UBE2E2: variants seen among roughly 807,000 people sequenced by gnomAD.
The protein encoded by UBE2E2 is ubiquitin-conjugating enzyme E2 E2.
UBE2E2 carries 6 observed loss-of-function variants against 24.7 expected under a neutral mutation model. The observed-to-expected ratio is 0.24, with a 90% CI of 0.13 to 0.48. UBE2E2 has a LOEUF of 0.48. Ranked by LOEUF, UBE2E2 falls within the 20% of genes least tolerant of loss-of-function variation. UBE2E2 has a pLI of 0.99. For missense variants in UBE2E2, 169 were observed against 245.0 expected (o/e 0.69, Z 2.07); for synonymous variants, 104 against 83.6 (o/e 1.24, Z -1.33).
intron 4 of UBE2E2, among the ~76,000 whole-genome samples, chr3:23,521,848 C>T (rs2125475600): frequency 6.6e-6 from 1 of 152,190 alleles, no homozygotes; most frequent in East Asian, 1.9e-4. Flanking sequence ...AAGATTAAAC[C>T]AAGAAAGCTT....
chr3:23,378,514 A>C (rs948155444), intron 3 of UBE2E2, among the ~76,000 whole-genome samples: 1 of 152,150 alleles, frequency 6.6e-6, no homozygotes, highest in Non-Finnish European at 1.5e-5. Context: ...AGCAAGTCAA[A>C]CCCATGTTTC....
At chr3:23,263,071 A>G (rs1282872584) in intron 3 of UBE2E2, among the ~76,000 whole-genome samples, 1 of 152,148 alleles carries the variant, frequency 6.6e-6, no homozygotes, top group Non-Finnish European at 1.5e-5. Context: ...GAGAGAAGGA[A>G]CTTTTAGGTG....
intron 3 of UBE2E2, among the ~76,000 whole-genome samples, chr3:23,290,129 T>C (rs1173561578): frequency 6.6e-6 from 1 of 152,030 alleles, no homozygotes. Flanking sequence ...TGTATATGTC[T>C]ACACACACAC....
chr3:23,263,852 T>G (rs2125356141), intron 3 of UBE2E2, among the ~76,000 whole-genome samples: 1 of 152,276 alleles, frequency 6.6e-6, no homozygotes, highest in South Asian at 2.1e-4. Context: ...TTTTAAAATT[T>G]TGGCGAAACT....
chr3:23,275,853 G>A (rs975375700), intron 3 of UBE2E2, among the ~76,000 whole-genome samples: 1 of 151,926 alleles, frequency 6.6e-6, no homozygotes, highest in African/African-American at 2.4e-5. Flanking sequence ...ATTTGAAATA[G>A]AATATATGTT....
chr3:23,316,749 C>A (rs185899808), intron 3 of UBE2E2, among the ~76,000 whole-genome samples: 1 of 152,090 alleles, frequency 6.6e-6, no homozygotes, highest in African/African-American at 2.4e-5. Flanking sequence ...CGCTCAAGGC[C>A]CACGGCATGT....
At chr3:23,245,298 A>G (rs1161696232) in intron 3 of UBE2E2, among the ~76,000 whole-genome samples, 1 of 152,162 alleles carries the variant, frequency 6.6e-6, no homozygotes, top group Non-Finnish European at 1.5e-5. Context: ...GAGTTCTCAT[A>G]TGTGGTAAAC....
chr3:23,470,259 G>A (rs546833069), intron 3 of UBE2E2, among the ~76,000 whole-genome samples: 46 of 152,204 alleles, frequency 3.0e-4, no homozygotes, highest in African/African-American at 1.1e-3. Flanking sequence ...TTCCCTCCTT[G>A]CTTCCTTGAG....
intron 5 of UBE2E2, among the ~76,000 whole-genome samples, chr3:23,576,588 A>C (rs1251554859): frequency 6.6e-6 from 1 of 152,182 alleles, no homozygotes; most frequent in African/African-American, 2.4e-5. Flanking sequence ...GCTGCAAAGG[A>C]ACACCTGCCT....
At chr3:23,484,897 C>G (rs1048377122) in intron 3 of UBE2E2, among the ~76,000 whole-genome samples, 7 of 152,050 alleles carry the variant, frequency 4.6e-5, no homozygotes, top group Admixed American at 3.3e-4. Context: ...CCACTGGGTC[C>G]CTCCATGACA....
intron 3 of UBE2E2, among the ~76,000 whole-genome samples, chr3:23,233,333 G>C (rs1697019395): frequency 6.6e-6 from 1 of 152,120 alleles, no homozygotes; most frequent in South Asian, 2.1e-4. Context: ...CTCTGTAATA[G>C]CACGGTTCAT....
intron 3 of UBE2E2, among the ~76,000 whole-genome samples, chr3:23,323,874 G>A (rs1177398877): frequency 6.6e-6 from 1 of 151,948 alleles, no homozygotes; most frequent in African/African-American, 2.4e-5. Context: ...AGTATTATTT[G>A]TTCATGCCAT....
chr3:23,443,292 C>G (rs895379516), intron 3 of UBE2E2, among the ~76,000 whole-genome samples: 1 of 152,104 alleles, frequency 6.6e-6, no homozygotes. Flanking sequence ...TAAGAAGAGC[C>G]GGAAGCAGAG....
At chr3:23,358,866 T>C (rs772623911) in intron 3 of UBE2E2, among the ~76,000 whole-genome samples, 3 of 152,176 alleles carry the variant, frequency 2.0e-5, no homozygotes, top group Non-Finnish European at 4.4e-5. Flanking sequence ...TTATGTGTAG[T>C]ATCTCCTTTG....
At chr3:23,287,078 G>GGGT (rs1575533004) in intron 3 of UBE2E2, among the ~76,000 whole-genome samples, 1 of 152,182 alleles carries the variant, frequency 6.6e-6, no homozygotes, top group East Asian at 1.9e-4. Context: ...GTCATATATA[G>GGGT]CTTTTATTAT....
chr3:23,275,610 A>G (rs1295033345), intron 3 of UBE2E2, among the ~76,000 whole-genome samples: 1 of 152,146 alleles, frequency 6.6e-6, no homozygotes, highest in Non-Finnish European at 1.5e-5. Context: ...AAAGTATGAA[A>G]TTTTCTATTG....
At position 23,591,470 on chromosome 3, in the gene UBE2E2, A is replaced by G. The variant is rs1696759773; in HGVS notation, c.*1639A>G. The G allele has an allele frequency of 6.6e-6, 1 of 152,158 alleles. No homozygotes were observed. Among genetic ancestry groups the G allele is most frequent in the Admixed American group, 6.5e-5 (1 of 15,276 alleles). The allele number at this position is 152,158 out of a possible 1,614,324, so 9.4% of individuals were successfully genotyped here. A position where few individuals can be genotyped will look rare whatever the true frequency, so the allele number is the denominator to read the frequency against. ...CTTCTAAACCAAAATACCTGAGAAT[A>G]TTTTTTGTCTTTTTAATAACGATTT... On this transcript the variant is annotated 3_prime_UTR_variant, in exon 6 of 6. Coordinates refer to ENST00000396703, the MANE Select transcript of UBE2E2 (RefSeq NM_152653.4).
At chr3:23,452,117 A>T (rs1032354194) in intron 3 of UBE2E2, among the ~76,000 whole-genome samples, 8 of 152,170 alleles carry the variant, frequency 5.3e-5, no homozygotes, top group Admixed American at 2.6e-4. Flanking sequence ...AAGAAAAAGG[A>T]TGGAGTTACT....
intron 3 of UBE2E2, among the ~76,000 whole-genome samples, chr3:23,348,296 C>G (rs923718280): frequency 5.9e-5 from 8 of 135,086 alleles, no homozygotes; most frequent in African/African-American, 1.9e-4. Context: ...GATGGGGGAA[C>G]AGGAAATCTG....
Sources: gnomAD v4.1 joint callset for allele counts (sites outside exome capture counted in the v4.1 genomes callset) on GRCh38, gnomAD v4.1.1 for gene constraint, MANE v1.5 for transcripts, NCBI Gene and HGNC (gene_info 2026-07-23, HGNC 2026-07-21) for gene names.